GHRHR: variants seen among roughly 807,000 people sequenced by gnomAD.
The protein encoded by GHRHR is growth hormone-releasing hormone receptor.
Under a neutral mutation model 58.3 loss-of-function variants are expected in GHRHR, and 40 were observed. The observed-to-expected ratio is 0.69, with a 90% confidence interval of 0.53 to 0.89. The LOEUF (loss-of-function observed/expected upper bound fraction) is 0.89, where lower values mean the gene tolerates loss of function less well. Ranked by LOEUF, GHRHR falls within the 40% of genes least tolerant of loss-of-function variation. The pLI is 0.00. For synonymous variants in GHRHR, 249 were observed against 216.6 expected (o/e 1.15, Z -1.31); for missense variants, 551 against 541.3 (o/e 1.02, Z -0.18).
intron 1 of GHRHR, among the ~76,000 whole-genome samples, chr7:30,966,923 TG>T (rs1792369090): frequency 6.6e-6 from 1 of 152,212 alleles, no homozygotes; most frequent in Non-Finnish European, 1.5e-5. Flanking sequence ...ATTACAGGCA[TG>T]AGCCACTGCG....
intron 5 of GHRHR, among the ~76,000 whole-genome samples, 184 bp downstream of exon 5, chr7:30,971,400 C>T (rs973280672): frequency 6.6e-6 from 1 of 152,162 alleles, no homozygotes; most frequent in Non-Finnish European, 1.5e-5. Flanking sequence ...GAACTCATTC[C>T]TACCTCTGCC....
At chr7:30,971,015 G>A (rs1792469488) in intron 4 of GHRHR, 104 bp from the exon 5 acceptor site, 3 of 710,194 alleles carry the variant, frequency 4.2e-6, no homozygotes, top group African/African-American at 1.7e-5. Context: ...CAGATGGGGA[G>A]TGTTGGGGTG....
At chr7:30,965,979 A>G (rs1792341709) in intron 1 of GHRHR, among the ~76,000 whole-genome samples, 1 of 152,216 alleles carries the variant, frequency 6.6e-6, no homozygotes, top group African/African-American at 2.4e-5. Context: ...CGGGGCACCC[A>G]CCAAAATAAG....
intron 5 of GHRHR, among the ~76,000 whole-genome samples, chr7:30,971,636 G>T (rs915033460): frequency 6.6e-6 from 1 of 151,980 alleles, no homozygotes; most frequent in African/African-American, 2.4e-5. Context: ...GCTGTTCTTG[G>T]TCTCATGGGG....
Position 30,974,502 on chromosome 7 carries a change from G to T in GHRHR, c.812+13G>T, listed in dbSNP as rs773383022. The T allele has an allele frequency of 1.3e-6, 2 of 1,597,410 alleles. No homozygotes were observed. The highest frequency in any genetic ancestry group is 1.7e-6 in the Non-Finnish European group (2 of 1,164,718). ...TCGAGGACATCGCGTGAGTCGGAGC[G>T]GCCACCTTGTCATACCCGCTGGTCC... is the stretch of plus-strand genomic sequence containing the variant. On this transcript the variant is annotated intron_variant, in intron 8 of 12. Coordinates refer to ENST00000326139, the MANE Select transcript of GHRHR (RefSeq NM_000823.4).
intron 4 of GHRHR, 47 bp downstream of exon 4, chr7:30,970,011 G>T: frequency 3.6e-6 from 3 of 828,926 alleles, no homozygotes; most frequent in Middle Eastern, 2.2e-4. Flanking sequence ...ATGGACATTT[G>T]TATGGGTGGG....
At chr7:30,975,404 A>G (rs1357493760) in intron 9 of GHRHR, among the ~76,000 whole-genome samples, 1 of 152,234 alleles carries the variant, frequency 6.6e-6, no homozygotes, top group Non-Finnish European at 1.5e-5. Context: ...ACACAGAGGC[A>G]GTGAAGACTG....
rs376278130 is a variant in GHRHR, at chr7:30,974,059, C to A, written c.672C>A (p.Ala224=). The A allele has an allele frequency of 2.5e-6, 4 of 1,613,942 alleles. No homozygotes were observed. In the African/African-American group the frequency reaches 5.3e-5, roughly 22 times the overall value. Residue 224 remains alanine, a synonymous_variant, in exon 7 of 13, where the codon GCC becomes GCA. Transcript: ENST00000326139. ...MTNFSWLLAE[A]VYLNCLLAST... is the part of the protein sequence containing the mutation. ...ACTTCAGCTGGCTGTTGGCAGAAGCCGTCTACCTGAACTGCCTCCTGGCCT... is the reference window on the plus strand; with the variant it reads ...ACTTCAGCTGGCTGTTGGCAGAAGCAGTCTACCTGAACTGCCTCCTGGCCT...
intron 12 of GHRHR, among the ~76,000 whole-genome samples, chr7:30,978,146 GT>G (rs1792623897): frequency 6.6e-6 from 1 of 152,180 alleles, no homozygotes; most frequent in Admixed American, 6.5e-5. Flanking sequence ...TCGCTGTGGA[GT>G]TTTGCTCCCA....
chr7:30,966,388 G>T (rs1792352551), intron 1 of GHRHR, among the ~76,000 whole-genome samples: 1 of 115,142 alleles, frequency 8.7e-6, no homozygotes, highest in Non-Finnish European at 1.9e-5. Flanking sequence ...CATTGAGGGT[G>T]TGTGTGTGTG....
chr7:30,974,906 G>A, intron 8 of GHRHR, 65 bp from the exon 9 acceptor site: 1 of 1,007,726 alleles, frequency 9.9e-7, no homozygotes, highest in Non-Finnish European at 1.6e-6. Flanking sequence ...GCCTGAGAGG[G>A]AGGTGCCTGC....
intron 12 of GHRHR, among the ~76,000 whole-genome samples, chr7:30,977,938 T>C (rs1260886027): frequency 6.6e-6 from 1 of 152,146 alleles, no homozygotes; most frequent in Non-Finnish European, 1.5e-5. Context: ...CAAAGTGAAT[T>C]CCACCCAGGA....
chr7:30,964,395 C>T (rs1584408595), intron 1 of GHRHR, among the ~76,000 whole-genome samples: 1 of 53,896 alleles, frequency 1.9e-5, no homozygotes, highest in African/African-American at 8.1e-5. Context: ...CTTGTTGCTT[C>T]CCCCAGGGCC....
intron 8 of GHRHR, 67 bp downstream of exon 8, chr7:30,974,556 C>T: frequency 9.1e-7 from 1 of 1,104,212 alleles, no homozygotes; most frequent in Non-Finnish European, 1.4e-6. Context: ...GACAGTCAGG[C>T]CATGGGCTGT....
intron 1 of GHRHR, among the ~76,000 whole-genome samples, chr7:30,967,601 C>CCCA (rs2128596829): frequency 1.8e-5 from 1 of 56,608 alleles, no homozygotes; most frequent in East Asian, 3.2e-4. Context: ...AGTCATCTGT[C>CCCA]TATCCATCCA....
At chr7:30,975,134 G>A (rs1224605650) in intron 9 of GHRHR, 94 bp downstream of exon 9, 1 of 890,292 alleles carries the variant, frequency 1.1e-6, no homozygotes. Flanking sequence ...ACTCCAGGCT[G>A]GGTGTCTTGA....
At position 30,974,502 on chromosome 7, in the gene GHRHR, G is replaced by A. The variant is rs773383022; in HGVS notation, c.812+13G>A. On this transcript the variant is annotated intron_variant, in intron 8 of 12. Transcript: ENST00000326139. ...TCGAGGACATCGCGTGAGTCGGAGC[G>A]GCCACCTTGTCATACCCGCTGGTCC... 2.2e-5 allele frequency: 35 copies of A among 1,597,292 alleles called. No individual in the cohort carries two copies. The highest frequency in any genetic ancestry group is 6.7e-5 in the African/African-American group (5 of 74,610).
intron 1 of GHRHR, among the ~76,000 whole-genome samples, 194 bp downstream of exon 1, chr7:30,964,319 C>A (rs563744544): frequency 6.6e-6 from 1 of 152,328 alleles, no homozygotes; most frequent in African/African-American, 2.4e-5. Flanking sequence ...CTCTGCCCAG[C>A]AATCTGTAGT....
intron 10 of GHRHR, 36 bp from the exon 11 acceptor site, chr7:30,976,393 C>T: frequency 6.2e-7 from 1 of 1,604,510 alleles, no homozygotes; most frequent in Non-Finnish European, 8.5e-7. Flanking sequence ...GTTTCTAATC[C>T]CAGTCTTGGG....
Sources: allele counts gnomAD v4.1 joint callset (sites outside exome capture counted in the v4.1 genomes callset), GRCh38; gene constraint gnomAD v4.1.1; transcripts MANE v1.5; gene names NCBI Gene and HGNC (gene_info 2026-07-23, HGNC 2026-07-21).